The following FSTL4 variants were observed in gnomAD, a reference collection of about 807,000 sequenced individuals.
The protein encoded by FSTL4 is follistatin-related protein 4.
A neutral mutation model predicts 78.2 loss-of-function variants in FSTL4; 28 were observed. That is an observed-to-expected ratio of 0.36 (90% CI 0.27 to 0.49). FSTL4 has a LOEUF of 0.49. Among genes scored for constraint, FSTL4 ranks in the 20% least tolerant of loss-of-function variants. The probability of loss-of-function intolerance (pLI) is 0.98; values close to 1 mark genes in which losing one functional copy is unlikely to be tolerated. For synonymous variants in FSTL4, 422 were observed against 440.5 expected (o/e 0.96, Z 0.53); for missense variants, 922 against 1,084.9 (o/e 0.85, Z 2.11).
rs1046822454 is a variant in FSTL4, at chr5:133,406,730, A to G, written c.161-5744T>C. 3.3e-5 allele frequency among the ~76,000 whole-genome samples: 5 copies of G among 152,254 alleles called. No individual in the cohort carries two copies. In the South Asian group the frequency reaches 1.0e-3, roughly 32 times the overall value. ...TATTATTTACTGAGGCAGGCCCACC[A>G]GGCACCATGCTAAACTCTTAGAATC... is the stretch of plus-strand genomic sequence containing the variant. On this transcript the variant is annotated intron_variant, in intron 3 of 15. Coordinates refer to ENST00000265342, the MANE Select transcript of FSTL4 (RefSeq NM_015082.2).
chr5:133,581,545 T>A (rs1273412449), intron 2 of FSTL4, among the ~76,000 whole-genome samples: 3 of 152,206 alleles, frequency 2.0e-5, no homozygotes, highest in Non-Finnish European at 4.4e-5. Context: ...AGGAGGGGCC[T>A]TGTGCCTGGG....
At chr5:133,453,115 C>T (rs972984275) in intron 3 of FSTL4, among the ~76,000 whole-genome samples, 6 of 152,324 alleles carry the variant, frequency 3.9e-5, no homozygotes, top group Non-Finnish European at 7.4e-5. Flanking sequence ...GCCCAGGCCA[C>T]CCCTCAGTGT....
At chr5:133,596,622 TCA>T (rs1760741370) in intron 2 of FSTL4, among the ~76,000 whole-genome samples, 1 of 152,088 alleles carries the variant, frequency 6.6e-6, no homozygotes, top group Non-Finnish European at 1.5e-5. Flanking sequence ...AGCCAAGGGC[TCA>T]GTGTCTAGAC....
At chr5:133,452,459 A>G (rs891225520) in intron 3 of FSTL4, among the ~76,000 whole-genome samples, 7 of 152,212 alleles carry the variant, frequency 4.6e-5, no homozygotes, top group African/African-American at 1.7e-4. Flanking sequence ...TGTGCAGGCA[A>G]TTTCCACAGG....
intron 3 of FSTL4, among the ~76,000 whole-genome samples, chr5:133,486,810 G>A (rs551758100): frequency 2.6e-5 from 4 of 152,116 alleles, no homozygotes; most frequent in Non-Finnish European, 5.9e-5. Context: ...ACCTTCTTAG[G>A]CACAAACATA....
the FSTL4 span, among the ~76,000 whole-genome samples, chr5:133,818,963 G>GTATATATATATATA: frequency 3.3e-5 from 1 of 30,186 alleles, no homozygotes; most frequent in Non-Finnish European, 9.1e-5. Flanking sequence ...ACACACACAC[G>GTATATATATATATA]TACGCATGCA....
chr5:133,442,275 A>G (rs1329905097), intron 3 of FSTL4, among the ~76,000 whole-genome samples: 1 of 152,248 alleles, frequency 6.6e-6, no homozygotes, highest in African/African-American at 2.4e-5. Flanking sequence ...AGGTTACACG[A>G]AGAGACAACA....
chr5:133,732,902 C>G, the FSTL4 span, among the ~76,000 whole-genome samples: 1 of 152,198 alleles, frequency 6.6e-6, no homozygotes, highest in Non-Finnish European at 1.5e-5. Context: ...ATGCTGCCGG[C>G]TTTGACTTCT....
In FSTL4 at chr5:133,217,218, AAG is replaced by A. The variant is rs751399164; in HGVS notation, c.1608+9_1608+10del. ...ATTTGAAGTTTTCCTCACTCCATTAAAGAGGTGTACCTGTAGGACTTTCTGGG... is the reference window on the plus strand; with the variant it reads ...ATTTGAAGTTTTCCTCACTCCATTAAAGGTGTACCTGTAGGACTTTCTGGG... On this transcript the variant is annotated intron_variant, in intron 13 of 15. Coordinates refer to ENST00000265342, the MANE Select transcript of FSTL4 (RefSeq NM_015082.2). 4.3e-6 allele frequency: 7 copies of A among 1,609,330 alleles called. No individual in the cohort carries two copies. Among genetic ancestry groups the A allele is most frequent in the Non-Finnish European group, 1.7e-6 (2 of 1,176,932 alleles).
At chr5:133,644,047 A>G in the FSTL4 span, among the ~76,000 whole-genome samples, 1 of 152,228 alleles carries the variant, frequency 6.6e-6, no homozygotes, top group African/African-American at 2.4e-5. Context: ...TCAAGTGGTT[A>G]TCAAAGTAAA....
intron 13 of FSTL4, among the ~76,000 whole-genome samples, chr5:133,211,703 C>G (rs573772348): frequency 9.2e-5 from 14 of 152,214 alleles, no homozygotes; most frequent in Non-Finnish European, 1.6e-4. Context: ...CCTTACATAC[C>G]CTTCCTTACC....
At chr5:133,398,128 G>A (rs1262483201) in intron 4 of FSTL4, among the ~76,000 whole-genome samples, 2 of 152,152 alleles carry the variant, frequency 1.3e-5, no homozygotes, top group East Asian at 1.9e-4. Context: ...TGGTTCTGGT[G>A]AAGGTGACGT....
chr5:133,343,247 AG>A (rs573373589), intron 4 of FSTL4, among the ~76,000 whole-genome samples: 156 of 152,352 alleles, frequency 1.0e-3, no homozygotes, highest in African/African-American at 3.7e-3. Context: ...AGGAGGACAG[AG>A]GGAGGGTTGA....
At chr5:133,486,248 G>A (rs1459332834) in intron 3 of FSTL4, among the ~76,000 whole-genome samples, 13 of 152,008 alleles carry the variant, frequency 8.6e-5, no homozygotes, top group African/African-American at 1.9e-4. Context: ...ACGTAAAGAG[G>A]AGGACAGGGT....
intron 3 of FSTL4, among the ~76,000 whole-genome samples, chr5:133,526,621 G>A (rs552355500): frequency 2.8e-4 from 43 of 152,280 alleles, no homozygotes; most frequent in African/African-American, 1.0e-3. Flanking sequence ...AACCCCAACT[G>A]AGCTGGCCAG....
At chr5:133,753,683 C>CTGTGTGTGTGTGTGTG in the FSTL4 span, among the ~76,000 whole-genome samples, 8 of 120,598 alleles carry the variant, frequency 6.6e-5, no homozygotes, top group Non-Finnish European at 7.1e-5. Flanking sequence ...CACATTTGTT[C>CTGTGTGTGTGTGTGTG]TGTGTGTGTG....
the FSTL4 span, among the ~76,000 whole-genome samples, chr5:133,744,900 T>C: frequency 1.7e-4 from 26 of 152,244 alleles, no homozygotes; most frequent in African/African-American, 6.0e-4. Context: ...GTAAAGTGAA[T>C]TGGATACTCC....
chr5:133,536,045 C>T (rs1759345133), intron 3 of FSTL4, among the ~76,000 whole-genome samples: 1 of 152,188 alleles, frequency 6.6e-6, no homozygotes, highest in Non-Finnish European at 1.5e-5. Context: ...AGTAGATCCT[C>T]TGCAAATACA....
the FSTL4 span, among the ~76,000 whole-genome samples, chr5:133,646,864 T>C: frequency 1.1e-4 from 16 of 151,228 alleles, no homozygotes; most frequent in East Asian, 2.5e-3. Flanking sequence ...ACATTTGTTA[T>C]CAAAGTCTTC....
Sources: allele counts gnomAD v4.1 joint callset (sites outside exome capture counted in the v4.1 genomes callset), GRCh38; gene constraint gnomAD v4.1.1; transcripts MANE v1.5; gene names NCBI Gene and HGNC (gene_info 2026-07-23, HGNC 2026-07-21).